Variants in CPEB3 observed in about 807,000 individuals in gnomAD.
CPEB3 encodes cytoplasmic polyadenylation element binding protein 3, also known as cytoplasmic polyadenylation element-binding protein 3.
In CPEB3, 20 loss-of-function variants were observed where a neutral mutation model predicts 67.2. The ratio of observed to expected loss-of-function variants is 0.30; its 90% confidence interval spans 0.21 to 0.43. The LOEUF (loss-of-function observed/expected upper bound fraction) is 0.43. Ranked by LOEUF, CPEB3 falls within the 20% of genes least tolerant of loss-of-function variation. The pLI, the probability that CPEB3 is intolerant of heterozygous loss-of-function variation, is 1.00. For synonymous variants in CPEB3, 376 were observed against 393.1 expected, an observed-to-expected ratio of 0.96 and a Z score of 0.51; for missense variants, 746 against 968.6, an observed-to-expected ratio of 0.77 and a Z score of 3.05.
At chr10:92,226,975 T>C (rs1851009390) in intron 2 of CPEB3, among the ~76,000 whole-genome samples, 1 of 152,208 alleles carries the variant, frequency 6.6e-6, no homozygotes, top group Admixed American at 6.5e-5. Context: ...TGTCAAAATC[T>C]GTATATGGTA....
chr10:92,241,500 C>T (rs1489690106), intron 1 of CPEB3, among the ~76,000 whole-genome samples: 1 of 152,112 alleles, frequency 6.6e-6, no homozygotes, highest in Non-Finnish European at 1.5e-5. Flanking sequence ...TTTGAAGACC[C>T]TGAATTACCA....
At chr10:92,065,154 T>C (rs1187136751) in intron 9 of CPEB3, among the ~76,000 whole-genome samples, 2 of 152,164 alleles carry the variant, frequency 1.3e-5, no homozygotes, top group African/African-American at 4.8e-5. Context: ...GGGTAATCAA[T>C]GTATTAGTTA....
intron 4 of CPEB3, among the ~76,000 whole-genome samples, chr10:92,147,456 A>T (rs1846741576): frequency 6.7e-6 from 1 of 148,442 alleles, no homozygotes; most frequent in South Asian, 2.1e-4. Context: ...GCCCTGTCTC[A>T]AAAAAAAAAC....
chr10:92,131,357 C>T lies in CPEB3; in HGVS notation c.1453+11672G>A, dbSNP rs183373272. Reference sequence around the variant, plus strand: ...TGGAGGCTGTAGAGGTGCTAAACTCCGTACTGCTCTGACCAACCCTAACAT... The same window carrying T: ...TGGAGGCTGTAGAGGTGCTAAACTCTGTACTGCTCTGACCAACCCTAACAT... On this transcript the variant is annotated intron_variant, in intron 6 of 9. Transcript: ENST00000265997. Among the ~76,000 whole-genome samples the T allele has an allele frequency of 5.8e-4, 88 of 152,262 alleles. No individual in the cohort carries two copies. The East Asian group carries it at 0.012, about 21-fold the overall frequency.
chr10:92,240,258 G>C lies in CPEB3; in HGVS notation c.93C>G (p.Ser31Arg), dbSNP rs994354399. Residue 31 changes from serine (S) to arginine (R), a missense_variant, in exon 2 of 10, where the codon AGC (serine) becomes AGG (arginine). Transcript: ENST00000265997. ...RQQQQPQPESSVSEAPSTPLS... is the reference protein window; with the variant it reads ...RQQQQPQPESRVSEAPSTPLS... The stretch of plus-strand genomic sequence containing the variant: ...GGGGCGTGGACGGGGCTTCGGATAC[G>C]CTGGACTCAGGTTGGGGCTGCTGCT... 1 of 1,516,228 alleles carries C rather than the reference G, an allele frequency of 6.6e-7. No individual in the cohort carries two copies. Among genetic ancestry groups the C allele is most frequent in the South Asian group, 1.3e-5 (1 of 78,174 alleles). 93.9% of individuals were successfully genotyped at this position (1,516,228 alleles called of 1,614,324 possible).
chr10:92,270,777 C>T (rs527715283), intron 1 of CPEB3, among the ~76,000 whole-genome samples: 1 of 151,950 alleles, frequency 6.6e-6, no homozygotes, highest in African/African-American at 2.4e-5. Context: ...GCCAGGTTGC[C>T]CAGGCTCATC....
At chr10:92,289,732 A>AAAAAAAAAAAAAAAATATATAT in intron 1 of CPEB3, among the ~76,000 whole-genome samples, 6 of 75,766 alleles carry the variant, frequency 7.9e-5, no homozygotes, top group Admixed American at 1.9e-4. Flanking sequence ...AAAAAAAAAA[A>AAAAAAAAAAAAAAAATATATAT]ATATATATAT....
At chr10:92,289,303 C>T (rs1017148432) in intron 1 of CPEB3, among the ~76,000 whole-genome samples, 8 of 151,884 alleles carry the variant, frequency 5.3e-5, no homozygotes, top group African/African-American at 1.5e-4. Context: ...TTTGGGAGGC[C>T]GAGACGGGCT....
chr10:92,243,746 T>C (rs1319725010), intron 1 of CPEB3, among the ~76,000 whole-genome samples: 2 of 152,184 alleles, frequency 1.3e-5, no homozygotes, highest in East Asian at 1.9e-4. Flanking sequence ...AGAGATGGCA[T>C]AAAAGAATCA....
At chr10:92,227,539 C>G (rs72807262) in intron 2 of CPEB3, among the ~76,000 whole-genome samples, 1 of 152,118 alleles carries the variant, frequency 6.6e-6, no homozygotes, top group Non-Finnish European at 1.5e-5. Context: ...AACTGTTTAT[C>G]TGACCTCAGG....
chr10:92,232,083 A>C, intron 2 of CPEB3, among the ~76,000 whole-genome samples: 1 of 133,880 alleles, frequency 7.5e-6, no homozygotes. Flanking sequence ...AGGGAGTTTC[A>C]CTCTTGTCAT....
Position 92,239,568 on chromosome 10 carries a change from G to T in CPEB3, c.783C>A (p.Gly261=). 1 of 1,555,148 alleles carries T rather than the reference G, an allele frequency of 6.4e-7. No homozygotes were observed. The stretch of plus-strand genomic sequence containing the variant: ...GGCGAGGGTCCCGGCCCGCCTGCAG[G>T]CCGCCCCAGGGGTTGGACGGTGCGC... ...AWSAPSNPWG[G]LQAGRDPRRA... Residue 261 remains glycine, a synonymous_variant, in exon 2 of 10, where the codon GGC becomes GGA. Transcript: ENST00000265997. The surrounding 1 kb of genome is among the most constrained non-coding windows in gnomAD (Gnocchi z 6.0).
intron 8 of CPEB3, among the ~76,000 whole-genome samples, chr10:92,090,122 T>C (rs1449248435): frequency 6.6e-6 from 1 of 152,252 alleles, no homozygotes; most frequent in Non-Finnish European, 1.5e-5. Flanking sequence ...TAAACTTGTA[T>C]GTCTGTGACT....
intron 3 of CPEB3, among the ~76,000 whole-genome samples, chr10:92,191,991 T>C (rs1849004748): frequency 6.6e-6 from 1 of 152,246 alleles, no homozygotes; most frequent in Non-Finnish European, 1.5e-5. Context: ...AAAGGGTCAC[T>C]AGCTGCCCCT....
intron 6 of CPEB3, chr10:92,119,037 C>T: frequency 6.4e-7 from 1 of 1,561,182 alleles, no homozygotes; most frequent in South Asian, 1.1e-5. Context: ...ATGTATCATA[C>T]CTGGAATGGG....
intron 1 of CPEB3, among the ~76,000 whole-genome samples, chr10:92,284,505 TTCTTCTATTCA>T (rs1842444451): frequency 6.6e-6 from 1 of 152,144 alleles, no homozygotes; most frequent in Non-Finnish European, 1.5e-5. Context: ...CTGTTTCAGT[TTCTTCTATTCA>T]TCATTTCCTT....
Position 92,145,060 on chromosome 10 carries a change from A to C in CPEB3, c.1248T>G (p.Gly416=). Residue 416 remains glycine (G), a synonymous_variant, in exon 5 of 10, where the codon GGT becomes GGG. Coordinates refer to ENST00000265997, the MANE Select transcript of CPEB3 (RefSeq NM_014912.5). ...TTAAGCCAGATGACAAGGCTTGATC[A>C]CCATGGCTATCATCCAGGAAGGCAT... ...LNNAFLDDSH[G]DQALSSGLSS... 6.2e-7 allele frequency: 1 copy of C among 1,614,114 alleles called. No individual in the cohort carries two copies. The highest frequency in any genetic ancestry group is 1.1e-5 in the South Asian group (1 of 91,082).
At chr10:92,078,642 A>G (rs781621771) in intron 9 of CPEB3, among the ~76,000 whole-genome samples, 5 of 152,180 alleles carry the variant, frequency 3.3e-5, no homozygotes, top group Non-Finnish European at 5.9e-5. Context: ...GGTTAACCCA[A>G]TTATAGCAAG....
rs1349054538 is a variant in CPEB3 at position 92,047,030 on chromosome 10, C to T, written c.*5182G>A. 2.0e-5 allele frequency: 3 copies of T among 152,120 alleles called. No individual in the cohort carries two copies. The highest frequency in any genetic ancestry group is 7.2e-5 in the African/African-American group (3 of 41,416). The allele number at this position is 152,120 out of a possible 1,614,324, so 9.4% of individuals were successfully genotyped here. A position where few individuals can be genotyped will look rare whatever the true frequency, so the allele number is the denominator to read the frequency against. On this transcript the variant is annotated 3_prime_UTR_variant, in exon 10 of 10. Transcript: ENST00000265997. ...ATACAAATACCTAATACTTTATACC[C>T]CAACAGAACTATATCCAGGAAAGAA...
Sources: gnomAD v4.1 joint callset for allele counts (sites outside exome capture counted in the v4.1 genomes callset) on GRCh38, gnomAD v4.1.1 for gene constraint, Gnocchi (gnomAD v3.1) non-coding constraint, MANE v1.5 for transcripts, NCBI Gene and HGNC (gene_info 2026-07-23, HGNC 2026-07-21) for gene names.